Variants in IQCJ observed in about 807,000 individuals in gnomAD.
The protein encoded by IQCJ is IQ motif containing J, also known as IQ domain-containing protein J.
IQCJ carries 9 observed loss-of-function variants against 11.0 expected under a neutral mutation model. That is an observed-to-expected ratio of 0.82 (90% confidence interval 0.49 to 1.43). The LOEUF is 1.43. Ranked by LOEUF, IQCJ falls within the 40% of genes most tolerant of loss-of-function variation. IQCJ has a pLI of 0.00. For missense variants in IQCJ, 146 were observed against 133.2 expected (o/e 1.10, Z -0.47); for synonymous variants, 55 against 51.3 (o/e 1.07, Z -0.31).
chr3:159,169,279 C>CTT (rs141888128), intron 1 of IQCJ, among the ~76,000 whole-genome samples: 494 of 55,612 alleles, frequency 8.9e-3, no homozygotes, highest in Middle Eastern at 0.054. Context: ...TTCTTTCTTT[C>CTT]TTTTTTTTTT....
intron 1 of IQCJ, among the ~76,000 whole-genome samples, chr3:159,208,360 A>G (rs1434816287): frequency 6.6e-6 from 1 of 152,014 alleles, no homozygotes; most frequent in Non-Finnish European, 1.5e-5. Context: ...CACCTACCCC[A>G]GCTGATGTGC....
At chr3:159,258,704 G>A (rs1276097734) in intron 3 of IQCJ, among the ~76,000 whole-genome samples, 1 of 151,944 alleles carries the variant, frequency 6.6e-6, no homozygotes, top group African/African-American at 2.4e-5. Flanking sequence ...TAATTGTTTG[G>A]TAACATATAA....
chr3:159,129,400 G>C (rs930668926), intron 1 of IQCJ, among the ~76,000 whole-genome samples: 1 of 152,192 alleles, frequency 6.6e-6, no homozygotes, highest in Non-Finnish European at 1.5e-5. Context: ...AAATCTAATT[G>C]CACCTGAAAA....
At chr3:159,232,021 T>C (rs2108154491) in intron 1 of IQCJ, among the ~76,000 whole-genome samples, 1 of 152,302 alleles carries the variant, frequency 6.6e-6, no homozygotes, top group Middle Eastern at 3.4e-3. Flanking sequence ...TCTTCTCTCT[T>C]TTCTTCTTTA....
At chr3:159,252,664 A>G in intron 2 of IQCJ, 63 bp from the exon 3 acceptor site, 5 of 1,416,654 alleles carry the variant, frequency 3.5e-6, no homozygotes, top group Non-Finnish European at 3.9e-6. Context: ...AATTAGCAGT[A>G]TTATTGCTAT....
rs143862952 is a variant in IQCJ, at chr3:159,105,222, C to T, written c.9+35781C>T. On this transcript the variant is annotated intron_variant, in intron 1 of 3. Transcript: ENST00000397832. ...ATAAGTTATGGAGTTGGGATTTGAA[C>T]ACATGTTTATCTGACTCTGTATGGT... is the stretch of plus-strand genomic sequence containing the variant. Among the ~76,000 whole-genome samples, 905 of 152,220 alleles carry T rather than the reference C, an allele frequency of 5.9e-3. 11 individuals carry two copies. The highest frequency in any genetic ancestry group is 0.021 in the African/African-American group (855 of 41,534).
chr3:159,084,517 G>A (rs1716571164), intron 1 of IQCJ, among the ~76,000 whole-genome samples: 1 of 152,118 alleles, frequency 6.6e-6, no homozygotes, highest in Admixed American at 6.6e-5. Flanking sequence ...GTGAGACATT[G>A]TGCATCCTGT....
rs1335319980 is a variant in IQCJ, at chr3:159,127,516, G to A, written c.9+58075G>A. On this transcript the variant is annotated intron_variant, in intron 1 of 3. Transcript: ENST00000397832. The stretch of plus-strand genomic sequence containing the variant: ...TAATCCTGGCAGCACTTATTTTTTA[G>A]CCATAAAGCATCTATTTGTGTTTCA... Among the ~76,000 whole-genome samples the A allele has an allele frequency of 2.6e-5, 4 of 152,132 alleles. No homozygotes were observed. In the East Asian group the frequency reaches 5.8e-4, roughly 22 times the overall value.
At chr3:159,093,500 G>C (rs1268949742) in intron 1 of IQCJ, among the ~76,000 whole-genome samples, 1 of 151,792 alleles carries the variant, frequency 6.6e-6, no homozygotes, top group Non-Finnish European at 1.5e-5. Context: ...ACCTCAGTTA[G>C]CTGTATTGTG....
intron 1 of IQCJ, among the ~76,000 whole-genome samples, chr3:159,090,075 T>A (rs1041828447): frequency 3.3e-5 from 5 of 151,746 alleles, no homozygotes; most frequent in African/African-American, 1.2e-4. Context: ...TCTTTGATGA[T>A]GGTGATGTAA....
At chr3:159,179,765 A>G (rs538786286) in intron 1 of IQCJ, among the ~76,000 whole-genome samples, 1 of 152,346 alleles carries the variant, frequency 6.6e-6, no homozygotes, top group African/African-American at 2.4e-5. Flanking sequence ...TTACTCCACA[A>G]CAACCTTCTG....
rs759730043 is a variant in IQCJ, at chr3:159,121,152, TA to T, written c.9+51713del. Among the ~76,000 whole-genome samples, 166 of 142,966 alleles carry T rather than the reference TA, an allele frequency of 1.2e-3. 2 individuals are homozygous for T. Among genetic ancestry groups the T allele is most frequent in the Middle Eastern group, 3.4e-3 (1 of 290 alleles). The allele number at this position is 142,966 out of a possible 152,430, so 93.8% of individuals were successfully genotyped here. On this transcript the variant is annotated intron_variant, in intron 1 of 3. Coordinates refer to ENST00000397832, the MANE Select transcript of IQCJ (RefSeq NM_001042706.3). Reference sequence around the variant, plus strand: ...TTTTCTTTTTTCTTTTTTTTTTTTTTAATTAGGGTCTTGCACTGTTGCCCAG... The same window carrying T: ...TTTTCTTTTTTCTTTTTTTTTTTTTTATTAGGGTCTTGCACTGTTGCCCAG...
Position 159,252,816 on chromosome 3 carries a change from T to C in IQCJ, c.155+9T>C. ...GAATCAAAGGTGAAAATGTAAGTTA[T>C]TTCAAAGTATAAATTAAGCAATTAG... is the stretch of plus-strand genomic sequence containing the variant. On this transcript the variant is annotated intron_variant, in intron 3 of 3. Coordinates refer to ENST00000397832, the MANE Select transcript of IQCJ (RefSeq NM_001042706.3). The C allele has an allele frequency of 6.2e-7, 1 of 1,606,708 alleles. No homozygotes were observed. Among genetic ancestry groups the C allele is most frequent in the Non-Finnish European group, 8.5e-7 (1 of 1,177,030 alleles).
intron 1 of IQCJ, among the ~76,000 whole-genome samples, chr3:159,176,085 C>A (rs778915300): frequency 1.3e-5 from 2 of 152,098 alleles, no homozygotes; most frequent in Non-Finnish European, 2.9e-5. Flanking sequence ...TATAAGCTCT[C>A]TGGTGAAGTT....
chr3:159,070,759 G>A (rs192088762), intron 1 of IQCJ, among the ~76,000 whole-genome samples: 1 of 152,150 alleles, frequency 6.6e-6, no homozygotes, highest in East Asian at 1.9e-4. Context: ...TTTTTCACAA[G>A]TAGGTTTTTT....
intron 1 of IQCJ, among the ~76,000 whole-genome samples, chr3:159,200,306 T>G (rs1409144048): frequency 6.6e-6 from 1 of 151,862 alleles, no homozygotes; most frequent in African/African-American, 2.4e-5. Flanking sequence ...AAAGTGACCT[T>G]CTGAAGTAGC....
At chr3:159,244,937 C>G (rs1042680424) in intron 1 of IQCJ, among the ~76,000 whole-genome samples, 2 of 152,126 alleles carry the variant, frequency 1.3e-5, no homozygotes, top group African/African-American at 4.8e-5. Context: ...AGTGTGGCCT[C>G]AGGGAATGGT....
At chr3:159,176,552 A>G (rs1424084228) in intron 1 of IQCJ, among the ~76,000 whole-genome samples, 1 of 152,190 alleles carries the variant, frequency 6.6e-6, no homozygotes, top group African/African-American at 2.4e-5. Context: ...GTTTTCTAGG[A>G]CAGTGTTTTT....
intron 1 of IQCJ, among the ~76,000 whole-genome samples, chr3:159,135,330 C>G (rs566276013): frequency 1.3e-5 from 2 of 152,244 alleles, no homozygotes; most frequent in East Asian, 3.9e-4. Flanking sequence ...CCCAGCCATC[C>G]CCTCTAGGCA....
Sources: allele counts gnomAD v4.1 joint callset (sites outside exome capture counted in the v4.1 genomes callset), GRCh38; gene constraint gnomAD v4.1.1; transcripts MANE v1.5; gene names NCBI Gene and HGNC (gene_info 2026-07-23, HGNC 2026-07-21).